METTL21A: variants seen among roughly 807,000 people sequenced by gnomAD.
METTL21A encodes methyltransferase 21A, HSPA lysine, also known as protein N-lysine methyltransferase METTL21A.
In METTL21A, 22 loss-of-function variants were observed where a neutral mutation model predicts 20.9. The ratio of observed to expected loss-of-function variants is 1.05; its 90% CI spans 0.75 to 1.50. METTL21A has a LOEUF of 1.50. METTL21A is among the 40% of genes most tolerant of loss of function. The pLI is 0.00. For missense variants in METTL21A, 271 were observed against 266.8 expected (o/e 1.02, Z -0.11); for synonymous variants, 93 against 102.0 (o/e 0.91, Z 0.53).
At chr2:207,623,140 G>A (rs1348554672) in intron 2 of METTL21A, among the ~76,000 whole-genome samples, 1 of 152,196 alleles carries the variant, frequency 6.6e-6, no homozygotes, top group Non-Finnish European at 1.5e-5. Context: ...TTGACTTCAA[G>A]TGATCTGCCC....
At chr2:207,620,870 T>A in intron 3 of METTL21A, 1 of 546,254 alleles carries the variant, frequency 1.8e-6, no homozygotes, top group Non-Finnish European at 3.2e-6. Flanking sequence ...TAGCTGGTCC[T>A]CAAATATCTG....
At chr2:207,608,118 T>G (rs1298850479), downstream of METTL21A, among the ~76,000 whole-genome samples, 1 of 151,992 alleles carries the variant, frequency 6.6e-6, no homozygotes, top group Non-Finnish European at 1.5e-5. Context: ...CCATGCAGGG[T>G]CATAAAGGAC....
intron 3 of METTL21A, among the ~76,000 whole-genome samples, chr2:207,590,701 C>A (rs1171285828): frequency 6.6e-6 from 1 of 152,110 alleles, no homozygotes; most frequent in Non-Finnish European, 1.5e-5. Flanking sequence ...TGATCTGTCA[C>A]AACTACTCAA....
chr2:207,624,481 T>G (rs2090886669), intron 1 of METTL21A, 77 bp from the exon 2 acceptor site: 1 of 1,270,108 alleles, frequency 7.9e-7, no homozygotes, highest in Non-Finnish European at 1.0e-6. Context: ...CCAAATGCTT[T>G]TAAGGTCGTT....
downstream of METTL21A, among the ~76,000 whole-genome samples, chr2:207,607,394 A>C (rs932887516): frequency 6.6e-6 from 1 of 151,406 alleles, no homozygotes; most frequent in Admixed American, 6.6e-5. Context: ...CATCTCAAAA[A>C]AAAGAAAGAA....
chr2:207,611,141 T>G (rs1349801906), downstream of METTL21A: 1 of 78 alleles, frequency 0.013, no homozygotes, highest in African/African-American at 0.038. Flanking sequence ...GGGAGGGAGG[T>G]GGGGGGGGTC....
At chr2:207,583,563 C>T (rs2083310292) in intron 3 of METTL21A, among the ~76,000 whole-genome samples, 1 of 152,174 alleles carries the variant, frequency 6.6e-6, no homozygotes, top group Admixed American at 6.5e-5. Context: ...AGTTACTTCA[C>T]TCTGCTCCTT....
chr2:207,589,915 C>T (rs2709392), intron 3 of METTL21A, among the ~76,000 whole-genome samples: 23,944 of 151,810 alleles, frequency 0.16, 2,071 homozygotes, highest in Middle Eastern at 0.21. Context: ...AGTTTCTTTG[C>T]CGTGAGTTTG....
At chr2:207,600,366 T>A (rs1019830253) in intron 3 of METTL21A, 10 of 187,736 alleles carry the variant, frequency 5.3e-5, no homozygotes, top group African/African-American at 2.1e-4. Flanking sequence ...GTGTGTTCTG[T>A]TGCATTCCTT....
chr2:207,587,097 CA>C (rs1005447768), intron 3 of METTL21A, among the ~76,000 whole-genome samples: 16 of 151,886 alleles, frequency 1.1e-4, no homozygotes, highest in African/African-American at 3.9e-4. Flanking sequence ...GGAGGTTTCT[CA>C]AAAAAACTAA....
chr2:207,582,910 CA>C (rs762922292), intron 3 of METTL21A: 76 of 201,170 alleles, frequency 3.8e-4, no homozygotes, highest in East Asian at 5.1e-4. Context: ...AACAAACAAA[CA>C]AAAAAAAATA....
At position 207,614,787 on chromosome 2, in the gene METTL21A, G is replaced by A. The variant is rs148657534; in HGVS notation, c.260-1344C>T. On this transcript the variant is annotated intron_variant, in intron 3 of 3. Transcript: ENST00000406927. ...GTCAGGTCGGATCCACCTCATCTAC[G>A]TTGTAGGAAAGATATAATATGTGTA... Among the ~76,000 whole-genome samples, 632 of 152,232 alleles carry A rather than the reference G, an allele frequency of 4.2e-3. 5 individuals carry two copies. The highest frequency in any genetic ancestry group is 0.013 in the African/African-American group (532 of 41,528).
upstream of METTL21A, chr2:207,626,031 C>T (rs118167835): frequency 1.4e-3 from 216 of 152,440 alleles, 9 homozygotes; most frequent in East Asian, 0.038. Flanking sequence ...GGCGTGCGCT[C>T]GGCTCCAGCC....
chr2:207,581,897 G>A (rs1258657615), exon 4 of METTL21A: 3 of 702,900 alleles, frequency 4.3e-6, no homozygotes, highest in Middle Eastern at 2.3e-4. Flanking sequence ...GAAGAGTAGT[G>A]ATCTGTTTTC....
At chr2:207,615,793 A>G (rs1208963713) in intron 3 of METTL21A, 1 of 152,182 alleles carries the variant, frequency 6.6e-6, no homozygotes, top group African/African-American at 2.4e-5. Context: ...CATACAATTC[A>G]GTAATTTTTC....
At chr2:207,625,269 C>T (rs992561072) in exon 1 of METTL21A, 1 of 152,126 alleles carries the variant, frequency 6.6e-6, no homozygotes, top group Non-Finnish European at 1.5e-5. Context: ...ACTTACGGCC[C>T]GGGAGGCGGT....
intron 3 of METTL21A, among the ~76,000 whole-genome samples, chr2:207,591,084 T>C (rs2084943414): frequency 6.6e-6 from 1 of 152,212 alleles, no homozygotes; most frequent in Non-Finnish European, 1.5e-5. Flanking sequence ...TTCTCTTAAA[T>C]TATCAAGTAT....
intron 3 of METTL21A, among the ~76,000 whole-genome samples, chr2:207,588,191 A>G (rs73056942): frequency 0.01 from 1,572 of 152,314 alleles, 27 homozygotes; most frequent in African/African-American, 0.036. Context: ...ATTTAGATCT[A>G]TAATTCCCTC....
At chr2:207,618,671 G>A (rs922095052) in intron 3 of METTL21A, among the ~76,000 whole-genome samples, 1 of 151,984 alleles carries the variant, frequency 6.6e-6, no homozygotes, top group Non-Finnish European at 1.5e-5. Context: ...TCGCACCACT[G>A]CACTCCAGCC....
Sources: gnomAD v4.1 joint callset for allele counts (sites outside exome capture counted in the v4.1 genomes callset) on GRCh38, gnomAD v4.1.1 for gene constraint, MANE v1.5 for transcripts, NCBI Gene and HGNC (gene_info 2026-07-23, HGNC 2026-07-21) for gene names.